CNTNAP2: variants seen among roughly 807,000 people sequenced by gnomAD.
CNTNAP2 encodes the protein contactin-associated protein-like 2.
In CNTNAP2, 98 loss-of-function variants were observed where a neutral mutation model predicts 155.2. The observed-to-expected ratio is 0.63, with a 90% CI of 0.54 to 0.75. The LOEUF is 0.75. CNTNAP2 is among the 30% of genes least tolerant of loss of function. The pLI is 0.00. For synonymous variants in CNTNAP2, 651 were observed against 631.2 expected, an observed-to-expected ratio of 1.03 and a Z score of -0.47; for missense variants, 1,727 against 1,688.1, an observed-to-expected ratio of 1.02 and a Z score of -0.40.
chr7:147,759,868 G>A (rs775914981), intron 13 of CNTNAP2, among the ~76,000 whole-genome samples: 24 of 152,102 alleles, frequency 1.6e-4, no homozygotes, highest in Admixed American at 2.6e-4. Context: ...TTCATTTGCT[G>A]TAAGCAACCT....
chr7:146,725,002 G>A (rs1801406425), intron 1 of CNTNAP2, among the ~76,000 whole-genome samples: 1 of 152,134 alleles, frequency 6.6e-6, no homozygotes, highest in Admixed American at 6.6e-5. Flanking sequence ...CCCAGATGTT[G>A]GCAGGGTTGT....
chr7:146,238,940 T>C (rs575608448), intron 1 of CNTNAP2, among the ~76,000 whole-genome samples: 21 of 152,300 alleles, frequency 1.4e-4, no homozygotes, highest in African/African-American at 4.8e-4. Flanking sequence ...ATGATTCAAT[T>C]ACCTCCACCT....
chr7:146,521,525 A>G (rs1797616893), intron 1 of CNTNAP2, among the ~76,000 whole-genome samples: 1 of 152,054 alleles, frequency 6.6e-6, no homozygotes, highest in South Asian at 2.1e-4. Flanking sequence ...ATTGCTTGAA[A>G]TAGTGAGAAA....
chr7:146,633,861 A>G (rs951806010), intron 1 of CNTNAP2, among the ~76,000 whole-genome samples: 4 of 150,132 alleles, frequency 2.7e-5, no homozygotes, highest in Non-Finnish European at 4.4e-5. Context: ...AAAAAACAGA[A>G]ACGTCTAAGT....
intron 21 of CNTNAP2, among the ~76,000 whole-genome samples, chr7:148,295,655 C>G (rs879889336): frequency 2.0e-5 from 3 of 146,810 alleles, no homozygotes; most frequent in Non-Finnish European, 4.5e-5. Flanking sequence ...CCGCGCCTGG[C>G]TAATTTTTTG....
chr7:148,380,472 A>T (rs1248832537), intron 21 of CNTNAP2, among the ~76,000 whole-genome samples: 1 of 152,232 alleles, frequency 6.6e-6, no homozygotes, highest in Non-Finnish European at 1.5e-5. Flanking sequence ...AATGAAACAC[A>T]ATCTCAAAGC....
intron 3 of CNTNAP2, among the ~76,000 whole-genome samples, chr7:146,861,545 T>A (rs977600109): frequency 8.5e-5 from 13 of 152,234 alleles, no homozygotes; most frequent in African/African-American, 2.9e-4. Context: ...GTGAATCCAA[T>A]TCACAATCCA....
At chr7:146,843,029 G>A (rs1224860964) in intron 3 of CNTNAP2, among the ~76,000 whole-genome samples, 16 of 23,556 alleles carry the variant, frequency 6.8e-4, no homozygotes, top group East Asian at 2.3e-3. Context: ...TTTTTGAGAC[G>A]GAGTCTCGCT....
intron 16 of CNTNAP2, among the ~76,000 whole-genome samples, chr7:148,120,966 C>T (rs1804583066): frequency 6.6e-6 from 1 of 152,098 alleles, no homozygotes; most frequent in African/African-American, 2.4e-5. Flanking sequence ...TCATGAAGAA[C>T]ATGGAGAAAA....
chr7:148,066,701 T>G (rs1803273145), intron 15 of CNTNAP2, among the ~76,000 whole-genome samples: 1 of 152,210 alleles, frequency 6.6e-6, no homozygotes, highest in South Asian at 2.1e-4. Flanking sequence ...GGTTTCACCG[T>G]GTTAGCCAGG....
At chr7:146,248,693 A>G (rs985570042) in intron 1 of CNTNAP2, among the ~76,000 whole-genome samples, 2 of 152,104 alleles carry the variant, frequency 1.3e-5, no homozygotes, top group East Asian at 3.9e-4. Context: ...TGAGATGTTT[A>G]CTGGGCTGGT....
intron 1 of CNTNAP2, among the ~76,000 whole-genome samples, chr7:146,139,710 T>C (rs981582037): frequency 2.0e-5 from 3 of 152,180 alleles, no homozygotes; most frequent in Non-Finnish European, 2.9e-5. Flanking sequence ...AAATGTAATA[T>C]GTCTTTGTAT....
At chr7:146,556,608 G>C (rs1181928376) in intron 1 of CNTNAP2, among the ~76,000 whole-genome samples, 1 of 152,102 alleles carries the variant, frequency 6.6e-6, no homozygotes, top group Admixed American at 6.5e-5. Context: ...GGACAGTTAA[G>C]AAGATCCAGT....
chr7:147,621,350 T>C (rs907738436), intron 12 of CNTNAP2, among the ~76,000 whole-genome samples: 1 of 149,934 alleles, frequency 6.7e-6, no homozygotes, highest in African/African-American at 2.5e-5. Context: ...TATAACACAG[T>C]AACTGAGGTG....
At chr7:147,431,340 G>C (rs986043826) in intron 10 of CNTNAP2, among the ~76,000 whole-genome samples, 4 of 151,820 alleles carry the variant, frequency 2.6e-5, no homozygotes, top group Non-Finnish European at 5.9e-5. Context: ...TATCTCTTTT[G>C]GAACCTGTCC....
At chr7:147,859,290 G>T (rs1336833224) in intron 13 of CNTNAP2, among the ~76,000 whole-genome samples, 1 of 152,012 alleles carries the variant, frequency 6.6e-6, no homozygotes, top group Non-Finnish European at 1.5e-5. Context: ...CTAGTCATCT[G>T]TTATGTTACA....
intron 10 of CNTNAP2, among the ~76,000 whole-genome samples, chr7:147,410,740 TACAC>T (rs34433797): frequency 2.6e-5 from 2 of 75,998 alleles, no homozygotes; most frequent in African/African-American, 6.4e-5. Context: ...GAATACTTCA[TACAC>T]ACACAGGAAT....
chr7:146,986,160 C>T (rs772632940), intron 3 of CNTNAP2, among the ~76,000 whole-genome samples: 6 of 152,114 alleles, frequency 3.9e-5, no homozygotes, highest in Non-Finnish European at 7.4e-5. Context: ...CCTCTCCCAC[C>T]CTTTCTCCAT....
chr7:147,642,170 T>C (rs895967177), intron 13 of CNTNAP2, among the ~76,000 whole-genome samples: 2 of 152,136 alleles, frequency 1.3e-5, no homozygotes, highest in African/African-American at 4.8e-5. Flanking sequence ...GAAGCCCTTT[T>C]CACAGATTCC....
Sources: gnomAD v4.1 joint callset for allele counts (sites outside exome capture counted in the v4.1 genomes callset) on GRCh38, gnomAD v4.1.1 for gene constraint, MANE v1.5 for transcripts, NCBI Gene and HGNC (gene_info 2026-07-23, HGNC 2026-07-21) for gene names.